The following MALRD1 variants were observed in gnomAD, a reference collection of about 807,000 sequenced individuals.
MALRD1 encodes MAM and LDL receptor class A domain containing 1.
In MALRD1, 247 loss-of-function variants were observed where a neutral mutation model predicts 242.1. That is an observed-to-expected ratio of 1.02 (90% CI 0.92 to 1.13). The LOEUF is 1.13. Ranked by LOEUF, MALRD1 falls within the 50% of genes most tolerant of loss-of-function variation. The pLI, the probability that MALRD1 is intolerant of heterozygous loss-of-function variation, is 0.00. For synonymous variants in MALRD1, 995 were observed against 866.6 expected (o/e 1.15, Z -2.60); for missense variants, 2,989 against 2,533.1 (o/e 1.18, Z -3.86).
intron 2 of MALRD1, among the ~76,000 whole-genome samples, chr10:19,073,299 G>A: frequency 6.6e-6 from 1 of 152,052 alleles, no homozygotes; most frequent in Non-Finnish European, 1.5e-5. Context: ...GTATATTTAT[G>A]TTGTTAGATT....
intron 36 of MALRD1, among the ~76,000 whole-genome samples, chr10:19,687,908 TTAATG>T (rs1419820361): frequency 2.2e-4 from 32 of 145,652 alleles, no homozygotes; most frequent in African/African-American, 7.1e-4. Context: ...ATTTATTTTT[TTAATG>T]TTATGTTATG....
intron 24 of MALRD1, among the ~76,000 whole-genome samples, chr10:19,347,535 AG>A (rs1264817705): frequency 1.3e-5 from 2 of 148,386 alleles, no homozygotes; most frequent in Non-Finnish European, 3.0e-5. Context: ...ATGCTAAAAC[AG>A]TTTATCAGTT....
Position 19,175,798 on chromosome 10 carries a change from C to T in MALRD1, c.1951+470C>T, listed in dbSNP as rs898082133. Among the ~76,000 whole-genome samples the T allele has an allele frequency of 4.6e-5, 7 of 152,048 alleles. No homozygotes were observed. In the South Asian group the frequency reaches 8.3e-4, roughly 18 times the overall value. On this transcript the variant is annotated intron_variant, in intron 14 of 39. Coordinates refer to ENST00000454679, the MANE Select transcript of MALRD1 (RefSeq NM_001142308.3). ...AAATTTAAAACTGGACCTTAAAATT[C>T]TGTGTTTCTATTCAAAATTTAATAT... is the stretch of plus-strand genomic sequence containing the variant.
At chr10:19,708,874 A>T (rs546886843) in intron 38 of MALRD1, among the ~76,000 whole-genome samples, 1 of 120,186 alleles carries the variant, frequency 8.3e-6, no homozygotes, top group Non-Finnish European at 1.9e-5. Flanking sequence ...GTTGGCCAAG[A>T]TGGTCTTGGA....
chr10:19,132,680 C>T (rs577995457), intron 8 of MALRD1, among the ~76,000 whole-genome samples: 2 of 152,074 alleles, frequency 1.3e-5, no homozygotes, highest in Non-Finnish European at 2.9e-5. Context: ...GGGACAGAGC[C>T]AGGCTCAGAG....
chr10:19,466,890 C>A (rs1836240690), intron 29 of MALRD1, among the ~76,000 whole-genome samples: 1 of 152,080 alleles, frequency 6.6e-6, no homozygotes, highest in Admixed American at 6.5e-5. Flanking sequence ...GAATTTTTCA[C>A]TGACGTCATA....
At chr10:19,334,491 G>C (rs1277717089) in intron 24 of MALRD1, among the ~76,000 whole-genome samples, 1 of 151,194 alleles carries the variant, frequency 6.6e-6, no homozygotes, top group Non-Finnish European at 1.5e-5. Context: ...GGTTCGATCA[G>C]TACTATAATA....
chr10:19,718,881 G>A (rs1834549248), intron 38 of MALRD1, among the ~76,000 whole-genome samples: 1 of 151,724 alleles, frequency 6.6e-6, no homozygotes, highest in Admixed American at 6.6e-5. Context: ...AAAATGTGCT[G>A]TTAGGCCAGG....
chr10:19,252,296 T>A (rs559039087), intron 18 of MALRD1, among the ~76,000 whole-genome samples: 1 of 152,172 alleles, frequency 6.6e-6, no homozygotes, highest in South Asian at 2.1e-4. Context: ...GAAACTGTTA[T>A]GGACTGGGTC....
intron 36 of MALRD1, among the ~76,000 whole-genome samples, chr10:19,672,482 G>A (rs1441882082): frequency 6.7e-6 from 1 of 148,202 alleles, no homozygotes; most frequent in African/African-American, 2.5e-5. Context: ...GGAGTGCAGT[G>A]GCAACATCTC....
intron 26 of MALRD1, among the ~76,000 whole-genome samples, chr10:19,381,180 A>G (rs1002419222): frequency 4.0e-5 from 6 of 150,458 alleles, no homozygotes; most frequent in East Asian, 2.0e-4. Flanking sequence ...TGTTCTTGCA[A>G]TAGTTTACTG....
intron 32 of MALRD1, among the ~76,000 whole-genome samples, chr10:19,545,486 C>T (rs549885858): frequency 1.6e-4 from 24 of 152,240 alleles, no homozygotes; most frequent in Non-Finnish European, 2.1e-4. Context: ...TTTTTCCTTA[C>T]GTAATTGAAG....
At chr10:19,355,858 T>TATCATATATATATATATA (rs57813656) in intron 26 of MALRD1, among the ~76,000 whole-genome samples, 2 of 94,924 alleles carry the variant, frequency 2.1e-5, no homozygotes, top group Admixed American at 2.3e-4. Context: ...TATATATATA[T>TATCATATATATATATATA]TATATATGAT....
At position 19,070,151 on chromosome 10, in the gene MALRD1, T is replaced by G. The variant is rs74118690; in HGVS notation, c.340+3292T>G. On this transcript the variant is annotated intron_variant, in intron 2 of 39. Coordinates refer to ENST00000454679, the MANE Select transcript of MALRD1 (RefSeq NM_001142308.3). ...TCTACTGATAATCCTATCCAGTGAT[T>G]TAAAAAGAAATCAAGTACAGATGCT... Among the ~76,000 whole-genome samples, 1,122 of 152,240 alleles carry G rather than the reference T, an allele frequency of 7.4e-3. 11 individuals carry two copies. Among genetic ancestry groups the G allele is most frequent in the African/African-American group, 0.026 (1,077 of 41,562 alleles).
chr10:19,275,919 C>T (rs1464460053), intron 19 of MALRD1, among the ~76,000 whole-genome samples: 3 of 151,972 alleles, frequency 2.0e-5, no homozygotes, highest in Admixed American at 6.6e-5. Context: ...ATGTGTGATC[C>T]ACTGTTTTTT....
intron 31 of MALRD1, among the ~76,000 whole-genome samples, chr10:19,528,294 T>C (rs1314414174): frequency 1.3e-5 from 2 of 152,176 alleles, no homozygotes; most frequent in Non-Finnish European, 2.9e-5. Flanking sequence ...TCCCTGCTTA[T>C]CTTACTCAAA....
At position 19,557,709 on chromosome 10, in the gene MALRD1, G is replaced by A. The variant is rs981080168; in HGVS notation, c.5479-9793G>A. ...TGATGTCTAAAGTCTGGTAGTGTCA[G>A]TTGTCTGGCTTTGTTCTTCTCCTTT... On this transcript the variant is annotated intron_variant, in intron 32 of 39. Coordinates refer to ENST00000454679, the MANE Select transcript of MALRD1 (RefSeq NM_001142308.3). Among the ~76,000 whole-genome samples, 4 of 150,888 alleles carry A rather than the reference G, an allele frequency of 2.7e-5. No individual in the cohort carries two copies. In the East Asian group the frequency reaches 5.8e-4, roughly 22 times the overall value.
chr10:19,719,221 T>TAA (rs1834601505), intron 38 of MALRD1, among the ~76,000 whole-genome samples: 1 of 68,846 alleles, frequency 1.5e-5, no homozygotes, highest in Non-Finnish European at 2.7e-5. Context: ...TACACATACA[T>TAA]ACATATATAT....
chr10:19,503,947 A>G (rs1319591955), intron 31 of MALRD1, among the ~76,000 whole-genome samples: 1 of 152,234 alleles, frequency 6.6e-6, no homozygotes, highest in Non-Finnish European at 1.5e-5. Flanking sequence ...GGAATCAAAT[A>G]TGCTGACTGA....
Sources: allele counts gnomAD v4.1 joint callset (sites outside exome capture counted in the v4.1 genomes callset), GRCh38; gene constraint gnomAD v4.1.1; transcripts MANE v1.5; gene names NCBI Gene and HGNC (gene_info 2026-07-23, HGNC 2026-07-21).